Variants in TMPRSS3 observed in about 807,000 individuals in gnomAD.
TMPRSS3 encodes the protein transmembrane serine protease 3, also known as transmembrane protease serine 3.
A neutral mutation model predicts 59.6 loss-of-function variants in TMPRSS3; 55 were observed. The ratio of observed to expected loss-of-function variants is 0.92; its 90% CI spans 0.74 to 1.16. The LOEUF is 1.16. TMPRSS3 is among the 50% of genes most tolerant of loss of function. TMPRSS3 has a pLI of 0.00. For missense variants in TMPRSS3, 596 were observed against 579.4 expected, an observed-to-expected ratio of 1.03 and a Z score of -0.29; for synonymous variants, 257 against 237.7, an observed-to-expected ratio of 1.08 and a Z score of -0.75.
intron 1 of TMPRSS3, 102 bp downstream of exon 1, chr21:42,395,840 C>T (rs2052799314): frequency 2.2e-6 from 1 of 444,600 alleles, no homozygotes; most frequent in Non-Finnish European, 4.5e-6. Flanking sequence ...AAGCCCTTTC[C>T]ATTGCTTTTT....
chr21:42,376,556 G>A lies in TMPRSS3; in HGVS notation c.1176C>T (p.Gly392=), dbSNP rs941433875. The change falls in exon 11 of 13, where the codon GGC becomes GGT. Residue 392 remains glycine (G), a synonymous_variant. Coordinates refer to ENST00000644384, the MANE Select transcript of TMPRSS3 (RefSeq NM_001256317.3). Reference sequence around the variant, plus strand: ...GGCCCCGTACCTGGCAGCTGTCCACGCCACCCGTCAGGTAGCCCGCGCAGA... The same window carrying A: ...GGCCCCGTACCTGGCAGCTGTCCACACCACCCGTCAGGTAGCCCGCGCAGA... ...SMLCAGYLTG[G]VDSCQGDSGG... 8 of 1,613,326 alleles carry A rather than the reference G, an allele frequency of 5.0e-6. No homozygotes were observed. The highest frequency in any genetic ancestry group is 2.2e-5 in the East Asian group (1 of 44,898).
chr21:42,381,059 C>A (rs941611354), intron 9 of TMPRSS3, among the ~76,000 whole-genome samples: 1 of 152,188 alleles, frequency 6.6e-6, no homozygotes, highest in African/African-American at 2.4e-5. Flanking sequence ...ATGACTCTGC[C>A]AGGTAGAGCC....
At position 42,388,644 on chromosome 21, in the gene TMPRSS3, G is replaced by T; in HGVS notation, c.323-118C>A. On this transcript the variant is annotated intron_variant, in intron 4 of 12. Coordinates refer to ENST00000644384, the MANE Select transcript of TMPRSS3 (RefSeq NM_001256317.3). This position sits in a 1 kb window ranked among gnomAD's most constrained non-coding sequence, Gnocchi z 5.1. ...CTCTGCCAAATCTGACCCACTTCTT[G>T]TCCACGGCAGCCTCCCCATCACAGA... The T allele has an allele frequency of 7.0e-7, 1 of 1,431,344 alleles. No individual in the cohort carries two copies. 88.7% of individuals were successfully genotyped at this position (1,431,344 alleles called of 1,614,324 possible).
chr21:42,376,461 C>T (rs2052429438), intron 11 of TMPRSS3, 80 bp downstream of exon 11: 1 of 1,592,342 alleles, frequency 6.3e-7, no homozygotes, highest in African/African-American at 1.3e-5. Context: ...TTTGTCCTGT[C>T]ACAGGGAAAC....
chr21:42,382,942 T>G, intron 8 of TMPRSS3, 91 bp downstream of exon 8: 1 of 1,517,614 alleles, frequency 6.6e-7, no homozygotes, highest in Non-Finnish European at 9.0e-7. Context: ...CTGTCTTCCC[T>G]CTGGACCCGC....
chr21:42,395,596 C>A, intron 1 of TMPRSS3, 128 bp from the exon 2 acceptor site: 1 of 560,072 alleles, frequency 1.8e-6, no homozygotes, highest in Non-Finnish European at 3.3e-6. Flanking sequence ...ATCGATTAAC[C>A]AAAAACAGTC....
intron 6 of TMPRSS3, among the ~76,000 whole-genome samples, chr21:42,385,039 C>CCCCCCCTTCCTTCCTTCCTT (rs2052604338): frequency 7.9e-6 from 1 of 126,760 alleles, no homozygotes; most frequent in Non-Finnish European, 1.6e-5. Context: ...CTCTCTTCCT[C>CCCCCCCTTCCTTCCTTCCTT]CCTCCCTCCC....
intron 9 of TMPRSS3, among the ~76,000 whole-genome samples, 174 bp from the exon 10 acceptor site, chr21:42,380,386 C>T (rs993049499): frequency 5.3e-5 from 8 of 152,174 alleles, no homozygotes; most frequent in Admixed American, 2.0e-4. Flanking sequence ...ACCCCATCCA[C>T]CACACCCAGA....
rs768387052 is a variant in TMPRSS3, at chr21:42,372,076, G to A, written c.*686C>T. 1 of 454,392 alleles carries A rather than the reference G, an allele frequency of 2.2e-6. No homozygotes were observed. Among genetic ancestry groups the A allele is most frequent in the South Asian group, 1.6e-5 (1 of 64,478 alleles). 28.1% of individuals were successfully genotyped at this position (454,392 alleles called of 1,614,324 possible). A position where few individuals can be genotyped will look rare whatever the true frequency, so the allele number is the denominator to read the frequency against. On this transcript the variant is annotated 3_prime_UTR_variant, in exon 13 of 13. Coordinates refer to ENST00000644384, the MANE Select transcript of TMPRSS3 (RefSeq NM_001256317.3). The stretch of plus-strand genomic sequence containing the variant: ...TGGTCCCTAGAGATGAAAACGTGCA[G>A]TGACTGCAGTTCTGCACTTCTGGGC...
chr21:42,384,544 C>T (rs1195887965), intron 6 of TMPRSS3, among the ~76,000 whole-genome samples: 2 of 152,242 alleles, frequency 1.3e-5, no homozygotes, highest in African/African-American at 4.8e-5. Flanking sequence ...GTGCTTTTCT[C>T]ATAGTGAAGG....
At chr21:42,392,695 C>T (rs529467866) in intron 2 of TMPRSS3, among the ~76,000 whole-genome samples, 1 of 152,330 alleles carries the variant, frequency 6.6e-6, no homozygotes, top group East Asian at 1.9e-4. Flanking sequence ...CGATCCCCCG[C>T]ACACTAACAA....
At chr21:42,395,241 C>A in intron 2 of TMPRSS3, 83 bp downstream of exon 2, 1 of 1,178,692 alleles carries the variant, frequency 8.5e-7, no homozygotes, top group Non-Finnish European at 1.3e-6. Flanking sequence ...GAGATATTTC[C>A]CCCACAGGGA....
At chr21:42,373,157 C>T (rs1423040242) in intron 12 of TMPRSS3, among the ~76,000 whole-genome samples, 1 of 152,228 alleles carries the variant, frequency 6.6e-6, no homozygotes, top group Admixed American at 6.5e-5. Context: ...ATGCCACCAA[C>T]TAGCACACGG....
Position 42,380,226 on chromosome 21 carries a change from A to T in TMPRSS3, c.953-14T>A, listed in dbSNP as rs1235333902. 1 of 1,604,998 alleles carries T rather than the reference A, an allele frequency of 6.2e-7. No homozygotes were observed. ...GCTGGATCATTTCTGCTTGAAGGGAAACAATAGTTCACAACTCAATTGAAG... is the reference window on the plus strand; with the variant it reads ...GCTGGATCATTTCTGCTTGAAGGGATACAATAGTTCACAACTCAATTGAAG... On this transcript the variant is annotated splice_polypyrimidine_tract_variant and intron_variant, in intron 9 of 12. Coordinates refer to ENST00000644384, the MANE Select transcript of TMPRSS3 (RefSeq NM_001256317.3).
chr21:42,382,040 GA>G, intron 9 of TMPRSS3, 24 bp downstream of exon 9: 2 of 1,614,196 alleles, frequency 1.2e-6, no homozygotes, highest in Non-Finnish European at 1.7e-6. Context: ...AAGAGCTGCA[GA>G]ACCACATAGA....
At chr21:42,376,902 C>T (rs1181642326) in intron 10 of TMPRSS3, among the ~76,000 whole-genome samples, 3 of 152,146 alleles carry the variant, frequency 2.0e-5, no homozygotes, top group Non-Finnish European at 2.9e-5. Context: ...TACGAGTGGC[C>T]GCAAGGGGCC....
chr21:42,373,973 G>T (rs1398592393), intron 12 of TMPRSS3, among the ~76,000 whole-genome samples: 1 of 152,200 alleles, frequency 6.6e-6, no homozygotes, highest in Non-Finnish European at 1.5e-5. Context: ...CCAGCTCAGT[G>T]CTCAGCCCCT....
At chr21:42,390,582 G>T (rs1568890692) in intron 2 of TMPRSS3, among the ~76,000 whole-genome samples, 1 of 152,120 alleles carries the variant, frequency 6.6e-6, no homozygotes, top group Non-Finnish European at 1.5e-5. Flanking sequence ...ACAAAAATTA[G>T]CTGGGCATGA....
chr21:42,395,970 G>A lies in TMPRSS3; in HGVS notation c.-80C>T, dbSNP rs1326293949. 1 of 518,984 alleles carries A rather than the reference G, an allele frequency of 1.9e-6. No homozygotes were observed. Among genetic ancestry groups the A allele is most frequent in the Non-Finnish European group, 3.8e-6 (1 of 259,874 alleles). The allele number at this position is 518,984 out of a possible 1,614,324, so 32.1% of individuals were successfully genotyped here. A position where few individuals can be genotyped will look rare whatever the true frequency, so the allele number is the denominator to read the frequency against. On this transcript the variant is annotated 5_prime_UTR_variant, in exon 1 of 13. Transcript: ENST00000644384. Reference sequence around the variant, plus strand: ...ATTCCCGAGTCCCAAAAATGTAGATGGCACCACGGAAGAGATAGTAGGCCA... The same window carrying A: ...ATTCCCGAGTCCCAAAAATGTAGATAGCACCACGGAAGAGATAGTAGGCCA...
Sources: gnomAD v4.1 joint callset for allele counts (sites outside exome capture counted in the v4.1 genomes callset) on GRCh38, gnomAD v4.1.1 for gene constraint, Gnocchi (gnomAD v3.1) non-coding constraint, MANE v1.5 for transcripts, NCBI Gene and HGNC (gene_info 2026-07-23, HGNC 2026-07-21) for gene names.